The following CTNNA3 variants were observed in gnomAD, a reference collection of about 807,000 sequenced individuals.
The protein encoded by CTNNA3 is catenin alpha 3.
Under a neutral mutation model 95.7 loss-of-function variants are expected in CTNNA3, and 76 were observed. The ratio of observed to expected loss-of-function variants is 0.79; its 90% CI spans 0.66 to 0.96. The LOEUF (loss-of-function observed/expected upper bound fraction) is 0.96. Among genes scored for constraint, CTNNA3 ranks in the 40% least tolerant of loss-of-function variants. CTNNA3 has a pLI of 0.00. For missense variants in CTNNA3, 1,191 were observed against 1,089.8 expected, an observed-to-expected ratio of 1.09 and a Z score of -1.31; for synonymous variants, 431 against 374.4, an observed-to-expected ratio of 1.15 and a Z score of -1.74.
intron 7 of CTNNA3, among the ~76,000 whole-genome samples, chr10:67,017,072 T>C (rs980675440): frequency 3.3e-5 from 5 of 152,198 alleles, no homozygotes; most frequent in African/African-American, 1.2e-4. Flanking sequence ...TGGAATCTCA[T>C]GGAGCTCACA....
intron 7 of CTNNA3, among the ~76,000 whole-genome samples, chr10:66,896,372 C>T (rs760537313): frequency 5.9e-5 from 9 of 152,036 alleles, no homozygotes; most frequent in Non-Finnish European, 1.0e-4. Flanking sequence ...GATTACATAA[C>T]AAGTTTAGGG....
chr10:67,660,169 C>A (rs1372712686), intron 1 of CTNNA3, among the ~76,000 whole-genome samples: 1 of 152,170 alleles, frequency 6.6e-6, no homozygotes, highest in Non-Finnish European at 1.5e-5. Context: ...ATCTAACCAT[C>A]CAAGTTCATT....
chr10:66,295,100 T>C (rs1033431976), intron 12 of CTNNA3, among the ~76,000 whole-genome samples: 4 of 152,230 alleles, frequency 2.6e-5, no homozygotes, highest in Admixed American at 6.5e-5. Flanking sequence ...TGGTGACACC[T>C]GTCATGTTAC....
At chr10:67,725,502 C>G (rs1307640100) in intron 1 of CTNNA3, among the ~76,000 whole-genome samples, 2 of 152,014 alleles carry the variant, frequency 1.3e-5, no homozygotes, top group African/African-American at 2.4e-5. Flanking sequence ...ATAGTAAGAT[C>G]TGCCTGTCAA....
chr10:66,479,979 C>CACACA (rs1565003130), intron 11 of CTNNA3, among the ~76,000 whole-genome samples: 1 of 146,430 alleles, frequency 6.8e-6, no homozygotes, highest in Non-Finnish European at 1.5e-5. Context: ...CACACACACA[C>CACACA]CCCAGAACTT....
Position 67,618,984 on chromosome 10 carries a change from C to G in CTNNA3, c.100-11935G>C, listed in dbSNP as rs185508988. Among the ~76,000 whole-genome samples, 162 of 152,282 alleles carry G rather than the reference C, an allele frequency of 1.1e-3. 3 individuals carry two copies. The East Asian group carries it at 0.025, about 23-fold the overall frequency. Reference sequence around the variant, plus strand: ...AATTCTAAAATACTATCAACTACAACACAAACCACCAATGTAATCACTTCT... The same window carrying G: ...AATTCTAAAATACTATCAACTACAAGACAAACCACCAATGTAATCACTTCT... On this transcript the variant is annotated intron_variant, in intron 2 of 17. Transcript: ENST00000433211.
intron 12 of CTNNA3, among the ~76,000 whole-genome samples, chr10:66,298,408 G>A (rs1053206225): frequency 3.9e-5 from 6 of 152,054 alleles, no homozygotes; most frequent in African/African-American, 1.4e-4. Context: ...ACTTAGCAAT[G>A]TACCCAATAC....
At chr10:66,386,207 G>A (rs955319161) in intron 11 of CTNNA3, among the ~76,000 whole-genome samples, 18 of 152,164 alleles carry the variant, frequency 1.2e-4, no homozygotes, top group Admixed American at 3.9e-4. Flanking sequence ...CATCATATCA[G>A]CCCAAAATAT....
chr10:67,568,230 C>A (rs912670349), intron 3 of CTNNA3, among the ~76,000 whole-genome samples: 6 of 131,210 alleles, frequency 4.6e-5, no homozygotes, highest in Non-Finnish European at 9.4e-5. Context: ...AGGCTACAGA[C>A]TGTTTTTTTT....
intron 9 of CTNNA3, among the ~76,000 whole-genome samples, chr10:66,750,001 T>A (rs993545440): frequency 2.6e-5 from 4 of 152,196 alleles, no homozygotes; most frequent in Admixed American, 1.3e-4. Flanking sequence ...TTATTGGACA[T>A]ACGTATATCT....
intron 13 of CTNNA3, among the ~76,000 whole-genome samples, chr10:66,133,154 T>TG (rs1417256959): frequency 1.3e-5 from 2 of 152,116 alleles, no homozygotes; most frequent in African/African-American, 4.8e-5. Flanking sequence ...AATTCTCCTA[T>TG]GTTAATATAG....
intron 13 of CTNNA3, among the ~76,000 whole-genome samples, chr10:66,248,625 T>C (rs1390128702): frequency 2.6e-5 from 4 of 152,014 alleles, no homozygotes; most frequent in Non-Finnish European, 4.4e-5. Context: ...GACTTCAAGA[T>C]GAAAACTGTA....
intron 7 of CTNNA3, among the ~76,000 whole-genome samples, chr10:66,971,900 C>CT (rs886687417): frequency 5.3e-4 from 79 of 148,792 alleles, no homozygotes; most frequent in South Asian, 1.9e-3. Context: ...AGAGCATATT[C>CT]TTTTTTTTTT....
chr10:66,123,279 G>A (rs921362771), intron 13 of CTNNA3, among the ~76,000 whole-genome samples: 1 of 152,174 alleles, frequency 6.6e-6, no homozygotes. Flanking sequence ...ATGCAAGCGT[G>A]AAATCCAGCA....
intron 5 of CTNNA3, among the ~76,000 whole-genome samples, chr10:67,268,989 C>G (rs939615630): frequency 1.3e-5 from 2 of 152,124 alleles, no homozygotes; most frequent in Admixed American, 1.3e-4. Context: ...AGGATTTGAA[C>G]ATCTGAATCC....
At chr10:66,375,654 A>G (rs2092791489) in intron 12 of CTNNA3, among the ~76,000 whole-genome samples, 1 of 152,150 alleles carries the variant, frequency 6.6e-6, no homozygotes, top group South Asian at 2.1e-4. Flanking sequence ...AACCATATTA[A>G]ATGAAAGGGA....
intron 5 of CTNNA3, among the ~76,000 whole-genome samples, chr10:67,246,272 A>G (rs892034311): frequency 6.6e-6 from 1 of 152,220 alleles, no homozygotes; most frequent in African/African-American, 2.4e-5. Flanking sequence ...AATGGCTTCA[A>G]TCCACCCTGG....
intron 12 of CTNNA3, among the ~76,000 whole-genome samples, chr10:66,361,428 CTTTCT>C (rs1467825498): frequency 1.3e-5 from 2 of 148,352 alleles, no homozygotes; most frequent in African/African-American, 5.0e-5. Context: ...CCCTTTCCTT[CTTTCT>C]TTTCTTTTCT....
intron 5 of CTNNA3, among the ~76,000 whole-genome samples, chr10:67,437,116 T>C (rs1345889290): frequency 2.6e-5 from 4 of 152,082 alleles, no homozygotes; most frequent in South Asian, 4.1e-4. Context: ...CTGCAGTAAA[T>C]ACATAGATGG....
Sources: gnomAD v4.1 joint callset for allele counts (sites outside exome capture counted in the v4.1 genomes callset) on GRCh38, gnomAD v4.1.1 for gene constraint, MANE v1.5 for transcripts, NCBI Gene and HGNC (gene_info 2026-07-23, HGNC 2026-07-21) for gene names.